Variants in PLD5 observed in about 807,000 individuals in gnomAD.
PLD5 encodes inactive phospholipase D5.
Under a neutral mutation model 61.1 loss-of-function variants are expected in PLD5, and 36 were observed. The ratio of observed to expected loss-of-function variants is 0.59; its 90% CI spans 0.45 to 0.78. The LOEUF (loss-of-function observed/expected upper bound fraction) is 0.78. Ranked by LOEUF, PLD5 falls within the 30% of genes least tolerant of loss-of-function variation. The pLI, the probability that PLD5 is intolerant of heterozygous loss-of-function variation, is 0.00. For synonymous variants in PLD5, 243 were observed against 242.8 expected (o/e 1.00, Z -0.01); for missense variants, 515 against 644.4 (o/e 0.80, Z 2.17).
At chr1:242,169,093 C>T (rs1666551601) in intron 5 of PLD5, among the ~76,000 whole-genome samples, 1 of 151,844 alleles carries the variant, frequency 6.6e-6, no homozygotes, top group South Asian at 2.1e-4. Context: ...ATGAAGCCTA[C>T]CTTTCTCAGG....
At chr1:242,447,069 A>G (rs139914548) in intron 1 of PLD5, among the ~76,000 whole-genome samples, 8 of 152,326 alleles carry the variant, frequency 5.3e-5, no homozygotes, top group African/African-American at 1.2e-4. Context: ...AGGGTTTAAA[A>G]CACTCAGCAC....
At chr1:242,406,756 ATT>A (rs1233223596) in intron 1 of PLD5, among the ~76,000 whole-genome samples, 2 of 152,226 alleles carry the variant, frequency 1.3e-5, no homozygotes, top group African/African-American at 2.4e-5. Flanking sequence ...ATTAAGATGT[ATT>A]TTATAACATT....
chr1:242,449,908 T>C (rs181743947), intron 1 of PLD5, among the ~76,000 whole-genome samples: 2 of 152,226 alleles, frequency 1.3e-5, no homozygotes, highest in African/African-American at 4.8e-5. Flanking sequence ...CATCGGTGGG[T>C]GTTTGCTAAG....
At chr1:242,309,575 T>C (rs1676577416) in intron 2 of PLD5, among the ~76,000 whole-genome samples, 1 of 151,876 alleles carries the variant, frequency 6.6e-6, no homozygotes, top group Admixed American at 6.6e-5. Context: ...GGTTTCACCA[T>C]GTTGGCCAGG....
At chr1:242,300,959 A>G (rs960961618) in intron 2 of PLD5, among the ~76,000 whole-genome samples, 1 of 152,216 alleles carries the variant, frequency 6.6e-6, no homozygotes, top group African/African-American at 2.4e-5. Flanking sequence ...GCCGTCTTCC[A>G]GGTTCAAGGA....
chr1:242,397,786 T>TC (rs1043263925), intron 1 of PLD5, among the ~76,000 whole-genome samples: 18 of 146,380 alleles, frequency 1.2e-4, no homozygotes, highest in Admixed American at 8.2e-4. Context: ...TTCTTCTTCT[T>TC]TTTTTTTTTT....
intron 2 of PLD5, among the ~76,000 whole-genome samples, chr1:242,297,126 A>G (rs539162455): frequency 6.6e-6 from 1 of 152,164 alleles, no homozygotes; most frequent in East Asian, 1.9e-4. Flanking sequence ...CAAGCAGATC[A>G]TGAGGTCAAG....
rs112013377 is a variant in PLD5, at chr1:242,131,365, T to C, written c.736-6700A>G. 8.6e-3 allele frequency among the ~76,000 whole-genome samples: 1,304 copies of C among 152,270 alleles called. 6 individuals are homozygous for C. Among genetic ancestry groups the C allele is most frequent in the Middle Eastern group, 0.014 (4 of 294 alleles). ...AGTGGTTCCGTTCTCTCTCTTGCAC[T>C]ATGACATTTTGAAGTACGGGGGACT... On this transcript the variant is annotated intron_variant, in intron 5 of 9. Transcript: ENST00000536534.
rs977579094 is a variant in PLD5, at chr1:242,096,534, G to T, written c.1354+4134C>A. On this transcript the variant is annotated intron_variant, in intron 9 of 9. Coordinates refer to ENST00000536534, the MANE Select transcript of PLD5 (RefSeq NM_001372062.1). ...TTTTTGTATTTTTAGTAGAGACGGG[G>T]TTTCACCATGTTGCCCAGGCTGGTC... 2.0e-5 allele frequency among the ~76,000 whole-genome samples: 3 copies of T among 151,634 alleles called. No homozygotes were observed. The East Asian group carries it at 5.9e-4, about 30-fold the overall frequency.
intron 5 of PLD5, among the ~76,000 whole-genome samples, chr1:242,202,602 G>A (rs1390050477): frequency 2.6e-5 from 4 of 152,162 alleles, no homozygotes; most frequent in African/African-American, 7.2e-5. Context: ...TCACTGGACA[G>A]CTTTAGGGTC....
intron 4 of PLD5, among the ~76,000 whole-genome samples, chr1:242,224,354 T>C (rs1195284195): frequency 1.3e-5 from 2 of 152,178 alleles, no homozygotes; most frequent in South Asian, 2.1e-4. Flanking sequence ...TAGGCCTTTT[T>C]TTTACAATGT....
chr1:242,439,321 AT>A (rs1259582443), intron 1 of PLD5, among the ~76,000 whole-genome samples: 2 of 152,140 alleles, frequency 1.3e-5, no homozygotes, highest in Non-Finnish European at 2.9e-5. Context: ...TCTTCAACTC[AT>A]GGCTTCCAAG....
intron 1 of PLD5, among the ~76,000 whole-genome samples, chr1:242,379,707 T>C (rs1477089638): frequency 6.6e-6 from 1 of 152,216 alleles, no homozygotes; most frequent in East Asian, 1.9e-4. Flanking sequence ...TTTCTTTTTC[T>C]GACAGGTTGA....
chr1:242,479,539 T>C (rs1043300802), intron 1 of PLD5, among the ~76,000 whole-genome samples: 8 of 152,152 alleles, frequency 5.3e-5, no homozygotes, highest in African/African-American at 1.9e-4. Context: ...CAGAGAAATA[T>C]AGTAGGTCCG....
At chr1:242,112,285 GTGT>G (rs1661565852) in intron 7 of PLD5, among the ~76,000 whole-genome samples, 1 of 50,804 alleles carries the variant, frequency 2.0e-5, no homozygotes, top group East Asian at 4.4e-4. Context: ...AGGATGCACT[GTGT>G]GTGTGTGTGT....
chr1:242,217,200 A>T (rs1010058172), intron 5 of PLD5, among the ~76,000 whole-genome samples: 3 of 152,260 alleles, frequency 2.0e-5, no homozygotes, highest in African/African-American at 7.2e-5. Flanking sequence ...CCAGGGATCA[A>T]GGAGTAATTT....
intron 1 of PLD5, among the ~76,000 whole-genome samples, chr1:242,405,793 G>C (rs573893729): frequency 2.0e-5 from 3 of 151,834 alleles, no homozygotes; most frequent in East Asian, 1.9e-4. Context: ...GTAGAGACAG[G>C]GTTTCTCCAT....
intron 3 of PLD5, among the ~76,000 whole-genome samples, chr1:242,269,648 A>G (rs1673935297): frequency 6.6e-6 from 1 of 151,912 alleles, no homozygotes; most frequent in African/African-American, 2.4e-5. Context: ...AGGTTTATAT[A>G]CTATCTTTGG....
rs371813438 is a variant in PLD5, at chr1:242,434,546, G to A, written c.190-86304C>T. Among the ~76,000 whole-genome samples the A allele has an allele frequency of 2.8e-4, 42 of 152,282 alleles. 1 individual carries two copies. The East Asian group carries it at 7.3e-3, about 27-fold the overall frequency. On this transcript the variant is annotated intron_variant, in intron 1 of 9. Transcript: ENST00000536534. The stretch of plus-strand genomic sequence containing the variant: ...TAGGAGCTGTCATCGTATAGATGGT[G>A]TTCTGAGACATGAATTCATTGTCAT...
Sources: gnomAD v4.1 joint callset for allele counts (sites outside exome capture counted in the v4.1 genomes callset) on GRCh38, gnomAD v4.1.1 for gene constraint, MANE v1.5 for transcripts, NCBI Gene and HGNC (gene_info 2026-07-23, HGNC 2026-07-21) for gene names.